CCDC13: variants seen among roughly 807,000 people sequenced by gnomAD.
CCDC13 encodes coiled-coil domain-containing protein 13.
In CCDC13, 70 loss-of-function variants were observed where a neutral mutation model predicts 87.3. That is an observed-to-expected ratio of 0.80 (90% CI 0.66 to 0.98). The LOEUF is 0.98. Among genes scored for constraint, CCDC13 ranks in the 50% least tolerant of loss-of-function variants. The probability of loss-of-function intolerance (pLI) is 0.00; values close to 1 mark genes in which losing one functional copy is unlikely to be tolerated. For missense variants in CCDC13, 842 were observed against 892.0 expected (o/e 0.94, Z 0.71); for synonymous variants, 317 against 360.3 (o/e 0.88, Z 1.36).
chr3:42,741,901 G>A (rs1699232188), intron 8 of CCDC13, among the ~76,000 whole-genome samples: 2 of 152,210 alleles, frequency 1.3e-5, no homozygotes, highest in Admixed American at 6.5e-5. Context: ...ATGTGGTCAT[G>A]GTTACAGCAT....
At chr3:42,766,807 C>T (rs1699941930) in intron 1 of CCDC13, among the ~76,000 whole-genome samples, 1 of 152,082 alleles carries the variant, frequency 6.6e-6, no homozygotes, top group Admixed American at 6.6e-5. Context: ...GGAGAAAAGT[C>T]ACACAATCAT....
chr3:42,759,701 T>C (rs898084213), intron 1 of CCDC13, among the ~76,000 whole-genome samples: 14 of 152,380 alleles, frequency 9.2e-5, no homozygotes, highest in East Asian at 3.9e-4. Context: ...TCACTTGTTA[T>C]TGGACATCTG....
intron 14 of CCDC13, among the ~76,000 whole-genome samples, chr3:42,712,627 G>A (rs1301530982): frequency 6.6e-6 from 1 of 152,188 alleles, no homozygotes; most frequent in African/African-American, 2.4e-5. Context: ...CTGCTGATGG[G>A]AAAGCTCAGG....
intron 5 of CCDC13, among the ~76,000 whole-genome samples, chr3:42,751,569 G>A (rs1699579314): frequency 6.6e-6 from 1 of 152,238 alleles, no homozygotes; most frequent in Non-Finnish European, 1.5e-5. Flanking sequence ...CAGTGAGGAT[G>A]CTGTACAGGA....
At chr3:42,759,525 A>G (rs1405056474) in intron 1 of CCDC13, among the ~76,000 whole-genome samples, 1 of 152,188 alleles carries the variant, frequency 6.6e-6, no homozygotes. Context: ...CTGGAATTTC[A>G]TATAACTAGA....
chr3:42,773,222 C>T lies in CCDC13; in HGVS notation c.-53G>A, dbSNP rs541129533. On this transcript the variant is annotated 5_prime_UTR_variant, in exon 1 of 16. Transcript: ENST00000310232. ...CCTTCTAGGACCGCGGCGGCTAGGT[C>T]ACCTCCTCCGGACGCCGACACGCGC... The T allele has an allele frequency of 1.3e-5, 2 of 152,368 alleles. No homozygotes were observed. Among genetic ancestry groups the T allele is most frequent in the African/African-American group, 2.4e-5 (1 of 41,590 alleles). The allele number at this position is 152,368 out of a possible 1,614,324, so 9.4% of individuals were successfully genotyped here.
chr3:42,726,471 G>T (rs1225708439), intron 13 of CCDC13, among the ~76,000 whole-genome samples: 1 of 152,290 alleles, frequency 6.6e-6, no homozygotes, highest in Admixed American at 6.5e-5. Context: ...GCCCAAAATA[G>T]TAAGGGTAAA....
intron 7 of CCDC13, among the ~76,000 whole-genome samples, chr3:42,744,504 T>A (rs1162237608): frequency 6.6e-6 from 1 of 152,142 alleles, no homozygotes; most frequent in African/African-American, 2.4e-5. Flanking sequence ...TACTGTTACC[T>A]TTAAGAATTT....
At chr3:42,749,018 C>T in intron 5 of CCDC13, among the ~76,000 whole-genome samples, 1 of 152,136 alleles carries the variant, frequency 6.6e-6, no homozygotes, top group Non-Finnish European at 1.5e-5. Flanking sequence ...CTTGGCCTCC[C>T]AAAGTGCTGG....
At position 42,708,947 on chromosome 3, in the gene CCDC13, C is replaced by A. The variant is rs1342532195; in HGVS notation, c.*33G>T. 3 of 1,586,584 alleles carry A rather than the reference C, an allele frequency of 1.9e-6. No individual in the cohort carries two copies. Among genetic ancestry groups the A allele is most frequent in the African/African-American group, 1.3e-5 (1 of 74,304 alleles). The stretch of plus-strand genomic sequence containing the variant: ...CTTATCCTCTCAAGACCTGAGGCTG[C>A]CCACCCGGCCAGGCCGACACTGGGC... On this transcript the variant is annotated 3_prime_UTR_variant, in exon 16 of 16. Transcript: ENST00000310232.
chr3:42,770,039 C>G (rs1700029132), intron 1 of CCDC13, among the ~76,000 whole-genome samples: 1 of 152,388 alleles, frequency 6.6e-6, no homozygotes. Flanking sequence ...AGCCCAAGGG[C>G]TGAGGAGTGC....
chr3:42,709,031 C>T lies in CCDC13; in HGVS notation c.2097G>A (p.Val699=). The part of the protein sequence containing the change: ...FRMYHEILGQ[V]KSVFLQALRQ... ...GCAGGGCCTGCAGGAAGACACTTTT[C>T]ACCTGGCCCAGGATCTCATGGTACA... The change falls in exon 16 of 16, where the codon GTG becomes GTA. Residue 699 remains valine (V), a synonymous_variant. Coordinates refer to ENST00000310232, the MANE Select transcript of CCDC13 (RefSeq NM_144719.4). 1 of 1,614,026 alleles carries T rather than the reference C, an allele frequency of 6.2e-7. No individual in the cohort carries two copies.
In CCDC13 at chr3:42,713,307, C is replaced by G; in HGVS notation, c.1728G>C (p.Glu576Asp). The change falls in exon 14 of 16, where the codon GAG becomes GAC. Residue 576 changes from glutamate to aspartate, a missense_variant. Physicochemically the swap from Glu to Asp is conservative, Grantham distance 45. Transcript: ENST00000310232. Reference protein sequence around the residue: ...FVTVLQKRVEESNSKLLESER... With the variant: ...FVTVLQKRVEDSNSKLLESER... ...CTGACTCCAGGAGCTTGCTGTTGCTCTCCTCCACCCTGGTGATTAGAGAGG... is the reference window on the plus strand; with the variant it reads ...CTGACTCCAGGAGCTTGCTGTTGCTGTCCTCCACCCTGGTGATTAGAGAGG... The G allele has an allele frequency of 1.2e-6, 2 of 1,613,942 alleles. No homozygotes were observed. Among genetic ancestry groups the G allele is most frequent in the South Asian group, 1.1e-5 (1 of 91,064 alleles).
chr3:42,727,906 T>C (rs80018516), intron 13 of CCDC13, among the ~76,000 whole-genome samples: 1 of 152,122 alleles, frequency 6.6e-6, no homozygotes, highest in Non-Finnish European at 1.5e-5. Context: ...AGAAAAATCA[T>C]GGCAAATAGA....
intron 5 of CCDC13, among the ~76,000 whole-genome samples, chr3:42,748,846 C>G (rs918607023): frequency 1.3e-5 from 2 of 152,214 alleles, no homozygotes; most frequent in South Asian, 2.1e-4. Context: ...CCTCCGCCCC[C>G]CCGGGTTGAA....
chr3:42,741,611 C>G (rs773597427), intron 8 of CCDC13, among the ~76,000 whole-genome samples: 1 of 152,178 alleles, frequency 6.6e-6, no homozygotes, highest in African/African-American at 2.4e-5. Context: ...GTGGCAGGTG[C>G]CTGTAATCCC....
chr3:42,704,286 C>A (rs1242704194), downstream of CCDC13: 1 of 152,270 alleles, frequency 6.6e-6, no homozygotes, highest in Non-Finnish European at 1.5e-5. Flanking sequence ...TGCACCCACA[C>A]TGGGGCCCTC....
At chr3:42,773,118 G>C (rs959265691) in intron 1 of CCDC13, 58 bp downstream of exon 1, 30 of 152,290 alleles carry the variant, frequency 2.0e-4, no homozygotes, top group African/African-American at 7.2e-4. Flanking sequence ...CCGCGCCCCC[G>C]GCAGCTGCGG....
At chr3:42,749,809 G>A (rs996901355) in intron 5 of CCDC13, 8 of 454,170 alleles carry the variant, frequency 1.8e-5, no homozygotes, top group South Asian at 3.1e-5. Flanking sequence ...TGATGCCAAC[G>A]CTACTCACAT....
Sources: allele counts gnomAD v4.1 joint callset (sites outside exome capture counted in the v4.1 genomes callset), GRCh38; gene constraint gnomAD v4.1.1; transcripts MANE v1.5; gene names NCBI Gene and HGNC (gene_info 2026-07-23, HGNC 2026-07-21).